Variants in RBFOX1 observed in about 807,000 individuals in gnomAD.
The protein encoded by RBFOX1 is RNA binding fox-1 homolog 1.
A neutral mutation model predicts 57.7 loss-of-function variants in RBFOX1; 8 were observed. That is an observed-to-expected ratio of 0.14 (90% confidence interval 0.08 to 0.25). The LOEUF (loss-of-function observed/expected upper bound fraction) is 0.25, where lower values mean the gene tolerates loss of function less well. RBFOX1 is among the 10% of genes least tolerant of loss of function. RBFOX1 has a pLI of 1.00. For missense variants in RBFOX1, 611 were observed against 548.5 expected (o/e 1.11, Z -1.14); for synonymous variants, 326 against 222.4 (o/e 1.47, Z -4.15).
chr16:5,268,613 A>G (rs773981178), intron 1 of RBFOX1, among the ~76,000 whole-genome samples: 39 of 152,208 alleles, frequency 2.6e-4, no homozygotes, highest in Non-Finnish European at 4.9e-4. Flanking sequence ...AGTCATTTAG[A>G]GGCCATTTGC....
chr16:7,348,007 G>A (rs982004596), intron 4 of RBFOX1, among the ~76,000 whole-genome samples: 1 of 152,326 alleles, frequency 6.6e-6, no homozygotes, highest in Middle Eastern at 3.4e-3. Flanking sequence ...GTCTTAACGA[G>A]CAGTCAATTG....
At chr16:7,259,231 A>C (rs774077063) in intron 4 of RBFOX1, among the ~76,000 whole-genome samples, 1 of 152,168 alleles carries the variant, frequency 6.6e-6, no homozygotes, top group Admixed American at 6.6e-5. Flanking sequence ...GATGCTATAC[A>C]ATTAAACTGA....
intron 2 of RBFOX1, among the ~76,000 whole-genome samples, chr16:5,518,353 C>T (rs1187662342): frequency 1.5e-5 from 2 of 131,076 alleles, no homozygotes; most frequent in Admixed American, 1.6e-4. Context: ...TCCAAAGTGA[C>T]ATTTTTTTTG....
chr16:7,425,199 G>A (rs953068546), intron 4 of RBFOX1, among the ~76,000 whole-genome samples: 3 of 152,198 alleles, frequency 2.0e-5, no homozygotes, highest in Admixed American at 1.3e-4. Flanking sequence ...GCTGTAGAAT[G>A]CTAGAAGTCC....
intron 3 of RBFOX1, among the ~76,000 whole-genome samples, chr16:5,745,464 G>A (rs550603638): frequency 6.6e-6 from 1 of 152,186 alleles, no homozygotes; most frequent in African/African-American, 2.4e-5. Flanking sequence ...ACCCAGTGAT[G>A]GGATTGCTGG....
At chr16:6,438,386 G>C (rs12600000) in intron 2 of RBFOX1, among the ~76,000 whole-genome samples, 1 of 152,128 alleles carries the variant, frequency 6.6e-6, no homozygotes, top group East Asian at 1.9e-4. Context: ...AAGTGGTGGA[G>C]TTGGACTCAC....
intron 3 of RBFOX1, among the ~76,000 whole-genome samples, chr16:6,691,246 C>T (rs72636203): frequency 6.6e-6 from 1 of 152,100 alleles, no homozygotes; most frequent in Non-Finnish European, 1.5e-5. Context: ...TAAAATTATT[C>T]CCGTGTCTAT....
At chr16:5,353,736 A>AAAC (rs1555498169) in intron 1 of RBFOX1, among the ~76,000 whole-genome samples, 10,683 of 148,528 alleles carry the variant, frequency 0.072, 1,310 homozygotes, top group African/African-American at 0.25. Context: ...GAAAAAAAAA[A>AAAC]AAACCTCGCC....
At chr16:7,417,412 C>T (rs911811510) in intron 4 of RBFOX1, among the ~76,000 whole-genome samples, 2 of 150,286 alleles carry the variant, frequency 1.3e-5, no homozygotes, top group Non-Finnish European at 3.0e-5. Context: ...ATATCCTGTT[C>T]CCCCAGTTTC....
intron 3 of RBFOX1, among the ~76,000 whole-genome samples, chr16:5,848,038 T>C (rs910160343): frequency 1.3e-5 from 2 of 152,166 alleles, no homozygotes; most frequent in African/African-American, 4.8e-5. Context: ...CTGAGAATTA[T>C]CCTGCATGGC....
intron 1 of RBFOX1, among the ~76,000 whole-genome samples, chr16:5,324,373 G>T (rs2064501452): frequency 6.6e-6 from 1 of 152,164 alleles, no homozygotes. Context: ...TGAGGCAGGA[G>T]AATCACTTGA....
chr16:5,467,196 C>CTCTT (rs1555527583), intron 1 of RBFOX1: 117 of 1,056,338 alleles, frequency 1.1e-4, no homozygotes, highest in South Asian at 5.5e-4. Context: ...CTCTCTCTCT[C>CTCTT]TTTTTTTTTT....
intron 1 of RBFOX1, among the ~76,000 whole-genome samples, chr16:6,202,004 C>G (rs1034407708): frequency 3.3e-5 from 5 of 152,022 alleles, no homozygotes; most frequent in African/African-American, 1.2e-4. Context: ...TGGAAGAGAC[C>G]ACAGTTCCCC....
intron 3 of RBFOX1, among the ~76,000 whole-genome samples, chr16:6,915,172 A>AGCT (rs1255215202): frequency 6.6e-6 from 1 of 152,152 alleles, no homozygotes; most frequent in Admixed American, 6.5e-5. Flanking sequence ...ACTGGGGCTG[A>AGCT]GCTGCTGCTT....
At chr16:6,888,237 G>A (rs1027255713) in intron 3 of RBFOX1, among the ~76,000 whole-genome samples, 1 of 152,066 alleles carries the variant, frequency 6.6e-6, no homozygotes, top group African/African-American at 2.4e-5. Context: ...GAAAAGAAAT[G>A]AAAAGAAAAT....
intron 4 of RBFOX1, among the ~76,000 whole-genome samples, chr16:7,137,652 G>A (rs2072410835): frequency 6.6e-6 from 1 of 152,132 alleles, no homozygotes; most frequent in African/African-American, 2.4e-5. Flanking sequence ...AAACTTAGAA[G>A]GGAACCTCAG....
chr16:5,637,693 G>T (rs1480785085), intron 3 of RBFOX1, among the ~76,000 whole-genome samples: 2 of 152,180 alleles, frequency 1.3e-5, no homozygotes, highest in Non-Finnish European at 2.9e-5. Context: ...TCCCCAGGGA[G>T]GCAGATGGGG....
chr16:7,375,497 TG>T (rs2097668911), intron 4 of RBFOX1, among the ~76,000 whole-genome samples: 1 of 151,366 alleles, frequency 6.6e-6, no homozygotes, highest in African/African-American at 2.4e-5. Flanking sequence ...CGAGAGGTTT[TG>T]TTTTTTTGTT....
intron 4 of RBFOX1, among the ~76,000 whole-genome samples, chr16:5,897,195 C>T (rs1440560736): frequency 6.6e-6 from 1 of 151,810 alleles, no homozygotes; most frequent in African/African-American, 2.4e-5. Flanking sequence ...GCCACCGCGC[C>T]CGGCTAATTT....
Sources: allele counts gnomAD v4.1 joint callset (sites outside exome capture counted in the v4.1 genomes callset), GRCh38; gene constraint gnomAD v4.1.1; transcripts MANE v1.5; gene names NCBI Gene and HGNC (gene_info 2026-07-23, HGNC 2026-07-21).